CGGBP1: variants seen among roughly 807,000 people sequenced by gnomAD.
The protein encoded by CGGBP1 is CGG triplet repeat binding protein 1, also known as CGG triplet repeat-binding protein 1.
A neutral mutation model predicts 11.4 loss-of-function variants in CGGBP1; 4 were observed. The ratio of observed to expected loss-of-function variants is 0.35; its 90% CI spans 0.17 to 0.80. CGGBP1 has a LOEUF of 0.80. CGGBP1 is among the 30% of genes least tolerant of loss of function. The pLI is 0.52. For missense variants in CGGBP1, 135 were observed against 202.1 expected (o/e 0.67, Z 2.01); for synonymous variants, 76 against 74.1 (o/e 1.03, Z -0.13).
At chr3:88,128,711 C>G (rs1706269210) in intron 2 of CGGBP1, 1 of 788,710 alleles carries the variant, frequency 1.3e-6, no homozygotes, top group African/African-American at 1.8e-5. Flanking sequence ...GTAGTTAAAT[C>G]TAATTAGAAA....
chr3:88,056,191 C>G (rs1485360573), intron 3 of CGGBP1, 192 bp from the exon 4 acceptor site: 7 of 481,026 alleles, frequency 1.5e-5, no homozygotes, highest in Non-Finnish European at 2.5e-5. Context: ...AAGTTACTAA[C>G]CAGTCGCAAT....
At chr3:88,085,185 C>T (rs1326253313) in intron 2 of CGGBP1, among the ~76,000 whole-genome samples, 1 of 152,094 alleles carries the variant, frequency 6.6e-6, no homozygotes, top group Non-Finnish European at 1.5e-5. Context: ...CTTTTCTATT[C>T]TAGTTTTCTT....
intron 2 of CGGBP1, among the ~76,000 whole-genome samples, chr3:88,094,074 C>A (rs1703906963): frequency 6.7e-6 from 1 of 150,204 alleles, no homozygotes; most frequent in Admixed American, 6.7e-5. Flanking sequence ...CGTTCTATTT[C>A]TTTGTCTTCT....
chr3:88,086,992 C>T lies in CGGBP1; in HGVS notation c.-228-28769G>A, dbSNP rs1358555294. ...AGAGATGGGGTTTCACCATGTTAGC[C>T]AGGATGGTCTTGATCTCCTGACCTC... On this transcript the variant is annotated intron_variant, in intron 2 of 3. Coordinates refer to the CGGBP1 transcript ENST00000462901. 2.6e-5 allele frequency among the ~76,000 whole-genome samples: 4 copies of T among 152,294 alleles called. No individual in the cohort carries two copies. The East Asian group carries it at 7.7e-4, about 29-fold the overall frequency.
intron 2 of CGGBP1, among the ~76,000 whole-genome samples, chr3:88,124,402 A>G (rs1238990052): frequency 6.6e-6 from 1 of 152,188 alleles, no homozygotes; most frequent in Non-Finnish European, 1.5e-5. Context: ...ATGTTTGACT[A>G]TAAGTGATGT....
intron 2 of CGGBP1, among the ~76,000 whole-genome samples, chr3:88,088,285 ATATC>A (rs1363038518): frequency 6.6e-6 from 1 of 152,204 alleles, no homozygotes; most frequent in African/African-American, 2.4e-5. Context: ...ATATTAATGA[ATATC>A]TAAGAATCAT....
chr3:88,085,473 A>T (rs1227045590), intron 2 of CGGBP1, among the ~76,000 whole-genome samples: 8 of 152,178 alleles, frequency 5.3e-5, no homozygotes, highest in Non-Finnish European at 1.2e-4. Context: ...TACCTCGTGG[A>T]TGTACAAAAA....
At chr3:88,111,082 G>A (rs1201451439) in intron 2 of CGGBP1, among the ~76,000 whole-genome samples, 1 of 151,976 alleles carries the variant, frequency 6.6e-6, no homozygotes, top group Non-Finnish European at 1.5e-5. Context: ...AATAACTGCT[G>A]TGTTGAACAT....
At chr3:88,141,166 C>T (rs1576360174) in intron 1 of CGGBP1, 2 of 1,139,154 alleles carry the variant, frequency 1.8e-6, no homozygotes, top group Non-Finnish European at 2.4e-6. Context: ...GGTAGTGAAG[C>T]ATTACTCCAT....
chr3:88,101,600 G>C (rs1329686247), intron 2 of CGGBP1, among the ~76,000 whole-genome samples: 2 of 152,020 alleles, frequency 1.3e-5, no homozygotes, highest in Non-Finnish European at 2.9e-5. Flanking sequence ...GCAATTGATG[G>C]CTATTCAGAT....
chr3:88,126,579 CTTTTTTTTTTTTTTTTTT>C (rs144091813), intron 2 of CGGBP1, among the ~76,000 whole-genome samples: 1 of 81,744 alleles, frequency 1.2e-5, no homozygotes, highest in African/African-American at 4.5e-5. Flanking sequence ...GTAGAAACAT[CTTTTTTTTTTTTTTTTTT>C]TTTTTTTAAG....
intron 2 of CGGBP1, among the ~76,000 whole-genome samples, chr3:88,124,342 G>A (rs539333280): frequency 2.2e-4 from 34 of 152,214 alleles, no homozygotes; most frequent in African/African-American, 7.9e-4. Flanking sequence ...TTGCTTGATT[G>A]CTTAATTTGG....
intron 2 of CGGBP1, among the ~76,000 whole-genome samples, chr3:88,069,483 G>A (rs560412255): frequency 6.6e-6 from 1 of 152,298 alleles, no homozygotes; most frequent in African/African-American, 2.4e-5. Flanking sequence ...AATGGGATAT[G>A]CTTAGATGAG....
At chr3:88,059,573 C>G, upstream of CGGBP1, 1 of 1,442,910 alleles carries the variant, frequency 6.9e-7, no homozygotes, top group Non-Finnish European at 9.0e-7. Context: ...TCCTGGTCTT[C>G]TCGTCCATGA....
At chr3:88,123,911 T>C (rs1672634454) in intron 2 of CGGBP1, among the ~76,000 whole-genome samples, 1 of 152,202 alleles carries the variant, frequency 6.6e-6, no homozygotes, top group Non-Finnish European at 1.5e-5. Flanking sequence ...CTACCTTGCT[T>C]ACCTTGGGAG....
chr3:88,059,079 C>A, upstream of CGGBP1: 1 of 743,322 alleles, frequency 1.3e-6, no homozygotes, highest in Non-Finnish European at 2.1e-6. Context: ...ATCAAACAGA[C>A]TGTCGATTTC....
chr3:88,063,671 C>G (rs1707023683), upstream of CGGBP1, among the ~76,000 whole-genome samples: 1 of 151,946 alleles, frequency 6.6e-6, no homozygotes, highest in Admixed American at 6.6e-5. Flanking sequence ...CATATAAGGC[C>G]TAAGTATCAG....
chr3:88,103,726 A>G (rs6804818), intron 2 of CGGBP1, among the ~76,000 whole-genome samples: 118,149 of 150,796 alleles, frequency 0.78, 47,226 homozygotes, highest in South Asian at 0.91. Context: ...CAATGAAGTG[A>G]CAACTTTAAA....
intron 2 of CGGBP1, chr3:88,140,655 A>G: frequency 6.2e-7 from 1 of 1,613,748 alleles, no homozygotes; most frequent in Non-Finnish European, 8.5e-7. Flanking sequence ...TCCTGCTTTG[A>G]AAATTGATAC....
Sources: gnomAD v4.1 joint callset for allele counts (sites outside exome capture counted in the v4.1 genomes callset) on GRCh38, gnomAD v4.1.1 for gene constraint, MANE v1.5 for transcripts, NCBI Gene and HGNC (gene_info 2026-07-23, HGNC 2026-07-21) for gene names.